The following NDUFS4 variants were observed in gnomAD, a reference collection of about 807,000 sequenced individuals.
The protein encoded by NDUFS4 is NADH:ubiquinone oxidoreductase subunit S4.
Under a neutral mutation model 24.3 loss-of-function variants are expected in NDUFS4, and 28 were observed. The ratio of observed to expected loss-of-function variants is 1.15; its 90% CI spans 0.85 to 1.58. The LOEUF is 1.58. Ranked by LOEUF, NDUFS4 falls within the 40% of genes most tolerant of loss-of-function variation. NDUFS4 has a pLI of 0.00. For missense variants in NDUFS4, 223 were observed against 207.9 expected (o/e 1.07, Z -0.45); for synonymous variants, 93 against 69.7 (o/e 1.34, Z -1.67).
At chr5:53,662,782 T>C (rs1329756484) in intron 4 of NDUFS4, among the ~76,000 whole-genome samples, 2 of 93,818 alleles carry the variant, frequency 2.1e-5, no homozygotes, top group Non-Finnish European at 4.1e-5. Context: ...TTTATTTGCA[T>C]AGAGGTGCTT....
At chr5:53,674,968 G>A (rs1740409165) in intron 4 of NDUFS4, among the ~76,000 whole-genome samples, 1 of 151,952 alleles carries the variant, frequency 6.6e-6, no homozygotes, top group Admixed American at 6.6e-5. Context: ...ATATGAACTT[G>A]AAGTCTCAAA....
rs143988160 is a variant in NDUFS4, at chr5:53,607,957, A to G, written c.177+4427A>G. Among the ~76,000 whole-genome samples, 52 of 152,316 alleles carry G rather than the reference A, an allele frequency of 3.4e-4. No homozygotes were observed. In the East Asian group the frequency reaches 5.2e-3, roughly 15 times the overall value. The stretch of plus-strand genomic sequence containing the variant: ...TAAATTAAAATCTTTATATTATTAC[A>G]TAACTGGCTTATTTTACATTAAATT... On this transcript the variant is annotated intron_variant, in intron 2 of 4. Transcript: ENST00000296684.
chr5:53,647,507 A>G (rs927434437), intron 3 of NDUFS4, among the ~76,000 whole-genome samples: 5 of 152,122 alleles, frequency 3.3e-5, no homozygotes, highest in African/African-American at 1.2e-4. Context: ...GTGAGCCACC[A>G]TGCCTGGCCA....
chr5:53,571,714 T>C (rs188773819), intron 1 of NDUFS4, among the ~76,000 whole-genome samples: 7 of 152,224 alleles, frequency 4.6e-5, no homozygotes, highest in Non-Finnish European at 8.8e-5. Context: ...TTTGAAGTTA[T>C]AACTATCCTA....
Position 53,658,546 on chromosome 5 carries a change from T to C in NDUFS4, c.351-5T>C, listed in dbSNP as rs1752229127. On this transcript the variant is annotated splice_region_variant and splice_polypyrimidine_tract_variant and intron_variant, in intron 3 of 4. Coordinates refer to ENST00000296684, the MANE Select transcript of NDUFS4 (RefSeq NM_002495.4). Reference sequence around the variant, plus strand: ...AAATCTTGGAAAAAAATTTGTTTCTTACAGGGCTGATCCCTTATCCAACAT... The same window carrying C: ...AAATCTTGGAAAAAAATTTGTTTCTCACAGGGCTGATCCCTTATCCAACAT... 1 of 1,612,356 alleles carries C rather than the reference T, an allele frequency of 6.2e-7. No individual in the cohort carries two copies.
At position 53,683,112 on chromosome 5, in the gene NDUFS4, T is replaced by G. The variant is rs752719642; in HGVS notation, c.425-6T>G. On this transcript the variant is annotated splice_polypyrimidine_tract_variant and splice_region_variant and intron_variant, in intron 4 of 4. Coordinates refer to ENST00000296684, the MANE Select transcript of NDUFS4 (RefSeq NM_002495.4). ...CTGTGGATTTGTCTTTGTTTTTTCC[T>G]CCTAGGATGGAGCTATGACATTGAA... The G allele has an allele frequency of 7.0e-6, 11 of 1,570,752 alleles. No homozygotes were observed. Among genetic ancestry groups the G allele is most frequent in the Non-Finnish European group, 4.4e-6 (5 of 1,140,994 alleles).
chr5:53,646,550 A>T lies in NDUFS4; in HGVS notation c.350+145A>T, dbSNP rs545029365. ...CTGTTAAGTACCACTGTGCTCAAAG[A>T]TACACATTATATATTTAGATATTCA... On this transcript the variant is annotated intron_variant, in intron 3 of 4. Transcript: ENST00000296684. The T allele has an allele frequency of 5.1e-6, 4 of 780,868 alleles. No individual in the cohort carries two copies. In the African/African-American group the frequency reaches 7.1e-5, roughly 14 times the overall value. 48.4% of individuals were successfully genotyped at this position (780,868 alleles called of 1,614,324 possible).
intron 4 of NDUFS4, among the ~76,000 whole-genome samples, chr5:53,659,424 G>C (rs1238619836): frequency 6.6e-6 from 1 of 152,130 alleles, no homozygotes; most frequent in Non-Finnish European, 1.5e-5. Flanking sequence ...GTTGAAATAA[G>C]GGTACCTACC....
intron 1 of NDUFS4, among the ~76,000 whole-genome samples, chr5:53,590,825 C>T (rs1453948381): frequency 3.9e-5 from 6 of 152,278 alleles, no homozygotes; most frequent in South Asian, 4.1e-4. Context: ...AAGTATATTT[C>T]ATTGGCATTA....
chr5:53,662,548 T>G (rs2112527398), intron 4 of NDUFS4, among the ~76,000 whole-genome samples: 1 of 152,288 alleles, frequency 6.6e-6, no homozygotes. Context: ...TTCTATTGAT[T>G]GGAATAGTTT....
At chr5:53,666,244 T>G (rs1160587206) in intron 4 of NDUFS4, among the ~76,000 whole-genome samples, 1 of 152,226 alleles carries the variant, frequency 6.6e-6, no homozygotes, top group Admixed American at 6.5e-5. Context: ...GTCTGTCACA[T>G]GAGTTTAATA....
chr5:53,634,524 G>A (rs1364972863), intron 2 of NDUFS4, among the ~76,000 whole-genome samples: 2 of 152,126 alleles, frequency 1.3e-5, no homozygotes, highest in African/African-American at 2.4e-5. Flanking sequence ...GAGATGAAGA[G>A]TACTGTTTAA....
intron 4 of NDUFS4, among the ~76,000 whole-genome samples, chr5:53,674,301 T>C (rs988874386): frequency 2.6e-5 from 4 of 152,218 alleles, no homozygotes; most frequent in Non-Finnish European, 5.9e-5. Flanking sequence ...CCCTCTGTGA[T>C]ATTCCTTGCC....
rs1752079817 is a variant in NDUFS4 at position 53,653,542 on chromosome 5, A to C, written c.351-5009A>C. Reference sequence around the variant, plus strand: ...TTACTGACTTTTGAACAAGTAAATGACTGTGCTTGCATTGTAGATTTAAAC... The same window carrying C: ...TTACTGACTTTTGAACAAGTAAATGCCTGTGCTTGCATTGTAGATTTAAAC... On this transcript the variant is annotated intron_variant, in intron 3 of 4. Transcript: ENST00000296684. Among the ~76,000 whole-genome samples the C allele has an allele frequency of 2.6e-5, 4 of 152,106 alleles. No homozygotes were observed. In the South Asian group the frequency reaches 8.3e-4, roughly 31 times the overall value.
chr5:53,568,310 A>T (rs76280361), intron 1 of NDUFS4, among the ~76,000 whole-genome samples: 14,757 of 151,960 alleles, frequency 0.097, 1,014 homozygotes, highest in Admixed American at 0.2. Context: ...CCCAGTCTAT[A>T]TTGGTTCAGT....
At chr5:53,570,585 G>A (rs570784729) in intron 1 of NDUFS4, among the ~76,000 whole-genome samples, 10 of 151,540 alleles carry the variant, frequency 6.6e-5, no homozygotes, top group East Asian at 1.9e-4. Flanking sequence ...CTCTCAGACC[G>A]TTTTCCAGAG....
At chr5:53,656,444 A>G (rs764608437) in intron 3 of NDUFS4, among the ~76,000 whole-genome samples, 4 of 152,172 alleles carry the variant, frequency 2.6e-5, no homozygotes, top group Non-Finnish European at 5.9e-5. Context: ...TAGGATATGA[A>G]AGACTTCATG....
chr5:53,616,395 CAG>C (rs1012059741), intron 2 of NDUFS4, among the ~76,000 whole-genome samples: 8 of 152,064 alleles, frequency 5.3e-5, no homozygotes, highest in African/African-American at 1.9e-4. Context: ...GGTGATGAGA[CAG>C]AGAATAGCTG....
intron 1 of NDUFS4, among the ~76,000 whole-genome samples, chr5:53,565,734 T>G (rs1202471599): frequency 6.6e-6 from 1 of 152,222 alleles, no homozygotes; most frequent in East Asian, 1.9e-4. Context: ...ATGAATAGAT[T>G]TTGTATTCAT....
Sources: allele counts gnomAD v4.1 joint callset (sites outside exome capture counted in the v4.1 genomes callset), GRCh38; gene constraint gnomAD v4.1.1; transcripts MANE v1.5; gene names NCBI Gene and HGNC (gene_info 2026-07-23, HGNC 2026-07-21).